The following GAS7 variants were observed in gnomAD, a reference collection of about 807,000 sequenced individuals.
The protein encoded by GAS7 is growth arrest specific 7.
In GAS7, 28 loss-of-function variants were observed where a neutral mutation model predicts 71.1. The ratio of observed to expected loss-of-function variants is 0.39; its 90% CI spans 0.29 to 0.54. The LOEUF is 0.54. Ranked by LOEUF, GAS7 falls within the 20% of genes least tolerant of loss-of-function variation. The pLI is 0.62. For synonymous variants in GAS7, 258 were observed against 245.8 expected (o/e 1.05, Z -0.46); for missense variants, 436 against 627.8 (o/e 0.69, Z 3.27).
intron 1 of GAS7, among the ~76,000 whole-genome samples, chr17:10,116,534 G>C (rs1170642333): frequency 6.6e-6 from 1 of 152,142 alleles, no homozygotes; most frequent in East Asian, 1.9e-4. Flanking sequence ...CAGGAAAGGT[G>C]ACCAGCAGAT....
At chr17:10,027,663 C>G (rs925883475) in intron 1 of GAS7, among the ~76,000 whole-genome samples, 1 of 152,200 alleles carries the variant, frequency 6.6e-6, no homozygotes, top group Non-Finnish European at 1.5e-5. Context: ...TGGAGGCAGA[C>G]AACAGTCCTC....
intron 7 of GAS7, among the ~76,000 whole-genome samples, chr17:9,941,383 C>T (rs1328786606): frequency 6.6e-6 from 1 of 152,210 alleles, no homozygotes; most frequent in Non-Finnish European, 1.5e-5. Flanking sequence ...ACCAGACACA[C>T]GAGGTGCATA....
chr17:10,051,072 C>T (rs1388166311), intron 1 of GAS7, among the ~76,000 whole-genome samples: 2 of 152,208 alleles, frequency 1.3e-5, no homozygotes, highest in African/African-American at 2.4e-5. Flanking sequence ...GGTTCCACAG[C>T]TTCTCAGCCA....
intron 1 of GAS7, among the ~76,000 whole-genome samples, chr17:10,189,550 T>C (rs2074482141): frequency 6.7e-6 from 1 of 150,240 alleles, no homozygotes; most frequent in South Asian, 2.1e-4. Flanking sequence ...CATTCTGGAA[T>C]ATTCTGGCTC....
intron 1 of GAS7, among the ~76,000 whole-genome samples, chr17:10,035,883 G>C (rs1363905197): frequency 6.6e-6 from 1 of 152,184 alleles, no homozygotes; most frequent in Non-Finnish European, 1.5e-5. Context: ...TTCTGCTAGG[G>C]AGCCATGACC....
intron 5 of GAS7, among the ~76,000 whole-genome samples, chr17:9,948,468 A>C (rs1191407562): frequency 6.6e-6 from 1 of 152,210 alleles, no homozygotes; most frequent in Non-Finnish European, 1.5e-5. Flanking sequence ...GTGGATCATG[A>C]GGTCAGGAGT....
intron 1 of GAS7, among the ~76,000 whole-genome samples, chr17:10,137,363 C>A (rs1440463898): frequency 6.6e-6 from 1 of 151,634 alleles, no homozygotes; most frequent in South Asian, 2.1e-4. Flanking sequence ...ACAACCTGCC[C>A]CCCTCACCCT....
intron 1 of GAS7, among the ~76,000 whole-genome samples, chr17:10,097,373 G>A (rs2073651777): frequency 6.6e-6 from 1 of 152,216 alleles, no homozygotes; most frequent in African/African-American, 2.4e-5. Context: ...AGACTCCCCG[G>A]ATGGGGTTAC....
In GAS7 at chr17:10,115,297, G is replaced by GC. The variant is rs759540073; in HGVS notation, c.183+82910dup. Among the ~76,000 whole-genome samples the GC allele has an allele frequency of 7.2e-5, 11 of 152,332 alleles. No homozygotes were observed. In the East Asian group the frequency reaches 1.7e-3, roughly 24 times the overall value. On this transcript the variant is annotated intron_variant, in intron 1 of 13. Coordinates refer to ENST00000432992, the MANE Select transcript of GAS7 (RefSeq NM_201433.2). ...ACCAGGGACGGAAGGAGGGAGGGGAGCCCCCCGTGGGACTGGCGGGTGCAC... is the reference window on the plus strand; with the variant it reads ...ACCAGGGACGGAAGGAGGGAGGGGAGCCCCCCCGTGGGACTGGCGGGTGCAC...
At position 9,917,329 on chromosome 17, in the gene GAS7, C is replaced by A. The variant is rs1487812028; in HGVS notation, c.1330G>T (p.Val444Leu). The change falls in exon 14 of 14, where the codon GTG becomes TTG. Residue 444 changes from valine (V) to leucine (L), a missense_variant. By Grantham distance (32) the Val-to-Leu change is conservative (BLOSUM62 1). Transcript: ENST00000432992. ...TCCACTTTTCGAAGCAGCTGATCCA[C>A]GGGCTCGACTGTCTGCAAGAGACAG... Reference protein sequence around the residue: ...DMFNQSTVEPVDQLLRKVDPA... With the variant: ...DMFNQSTVEPLDQLLRKVDPA... 36 of 1,612,728 alleles carry A rather than the reference C, an allele frequency of 2.2e-5. No individual in the cohort carries two copies. The highest frequency in any genetic ancestry group is 2.6e-5 in the Non-Finnish European group (31 of 1,178,776).
At chr17:10,186,578 G>A (rs1239973603) in intron 1 of GAS7, among the ~76,000 whole-genome samples, 2 of 151,634 alleles carry the variant, frequency 1.3e-5, no homozygotes, top group Non-Finnish European at 2.9e-5. Flanking sequence ...CAATTTTTTT[G>A]TATTTTTAGT....
rs2069626655 is a variant in GAS7, at chr17:9,964,500, C to A, written c.471+5177G>T. On this transcript the variant is annotated intron_variant, in intron 4 of 13. Transcript: ENST00000432992. ...TTAGTAAGCCACAGCCACACTGGGT[C>A]TCTATGCGTAAACACGGTTCCCCCT... is the stretch of plus-strand genomic sequence containing the variant. 2.0e-5 allele frequency among the ~76,000 whole-genome samples: 3 copies of A among 152,186 alleles called. No homozygotes were observed. In the South Asian group the frequency reaches 6.2e-4, roughly 31 times the overall value.
chr17:10,187,695 T>C (rs1422409284), intron 1 of GAS7, among the ~76,000 whole-genome samples: 1 of 152,172 alleles, frequency 6.6e-6, no homozygotes, highest in African/African-American at 2.4e-5. Context: ...TGAATGAATT[T>C]TGGCTGTTTC....
At chr17:9,998,754 G>A (rs1410207343) in intron 2 of GAS7, among the ~76,000 whole-genome samples, 1 of 146,056 alleles carries the variant, frequency 6.8e-6, no homozygotes, top group Non-Finnish European at 1.5e-5. Flanking sequence ...AGGTCCCACA[G>A]TTAGGACAAT....
At chr17:9,965,216 T>C (rs2069656863) in intron 4 of GAS7, among the ~76,000 whole-genome samples, 2 of 152,190 alleles carry the variant, frequency 1.3e-5, no homozygotes, top group African/African-American at 2.4e-5. Context: ...TAAAGACACA[T>C]GCACACGTGT....
chr17:9,997,405 A>G (rs1211420921), intron 2 of GAS7, among the ~76,000 whole-genome samples: 1 of 152,218 alleles, frequency 6.6e-6, no homozygotes, highest in African/African-American at 2.4e-5. Flanking sequence ...TAAAAATCAC[A>G]GTCAGAATAA....
chr17:10,128,891 G>C (rs1472895095), intron 1 of GAS7, among the ~76,000 whole-genome samples: 1 of 152,074 alleles, frequency 6.6e-6, no homozygotes, highest in Non-Finnish European at 1.5e-5. Context: ...CCAAAGTGCT[G>C]GGATTACAGG....
chr17:10,083,495 G>A (rs1248281196), intron 1 of GAS7, among the ~76,000 whole-genome samples: 1 of 152,236 alleles, frequency 6.6e-6, no homozygotes, highest in East Asian at 1.9e-4. Context: ...CTTGCCCAGG[G>A]CATGCTATCT....
At chr17:9,995,862 C>T (rs1435347440) in intron 2 of GAS7, among the ~76,000 whole-genome samples, 1 of 152,174 alleles carries the variant, frequency 6.6e-6, no homozygotes. Context: ...TGTTCACCAA[C>T]AGGGGACAAT....
Sources: gnomAD v4.1 joint callset for allele counts (sites outside exome capture counted in the v4.1 genomes callset) on GRCh38, gnomAD v4.1.1 for gene constraint, MANE v1.5 for transcripts, NCBI Gene and HGNC (gene_info 2026-07-23, HGNC 2026-07-21) for gene names.